The following SMARCA4 variants were observed in gnomAD, a reference collection of about 807,000 sequenced individuals.
SMARCA4 encodes SWI/SNF-related matrix-associated actin-dependent regulator of chromatin subfamily A member 4.
A neutral mutation model predicts 193.9 loss-of-function variants in SMARCA4; 31 were observed. The ratio of observed to expected loss-of-function variants is 0.16; its 90% confidence interval spans 0.12 to 0.22. The LOEUF is 0.22. Ranked by LOEUF, SMARCA4 falls within the 10% of genes least tolerant of loss-of-function variation. The pLI is 1.00. For missense variants in SMARCA4, 1,148 were observed against 2,296.0 expected (o/e 0.50, Z 10.22); for synonymous variants, 942 against 933.1 (o/e 1.01, Z -0.17).
intron 1 of SMARCA4, among the ~76,000 whole-genome samples, chr19:10,966,392 A>T (rs2084221413): frequency 6.6e-6 from 1 of 151,958 alleles, no homozygotes; most frequent in Admixed American, 6.6e-5. Context: ...GGAATCCAAG[A>T]CCAGCCTGGG....
intron 11 of SMARCA4, among the ~76,000 whole-genome samples, chr19:10,999,078 T>G (rs1024230648): frequency 1.3e-5 from 2 of 152,022 alleles, no homozygotes; most frequent in African/African-American, 4.8e-5. Context: ...AAGTGTTCTG[T>G]ATTTTTTTGT....
At chr19:11,052,735 C>G (rs2076330314) in intron 30 of SMARCA4, among the ~76,000 whole-genome samples, 2 of 152,170 alleles carry the variant, frequency 1.3e-5, no homozygotes, top group Admixed American at 1.3e-4. Flanking sequence ...CTCAAGCTGC[C>G]CTCCCCCAGC....
rs1060502072 is a variant in SMARCA4 at position 10,995,005 on chromosome 19, T to C, written c.1593+4T>C. On this transcript the variant is annotated splice_donor_region_variant and intron_variant, in intron 9 of 34. Transcript: ENST00000344626. Reference sequence around the variant, plus strand: ...GGAGCGCATGCGGAGGCTCATGGTATGGTCCTGCCTTCTTGACGTGCGCTC... The same window carrying C: ...GGAGCGCATGCGGAGGCTCATGGTACGGTCCTGCCTTCTTGACGTGCGCTC... 1 of 1,608,644 alleles carries C rather than the reference T, an allele frequency of 6.2e-7. No homozygotes were observed. Among genetic ancestry groups the C allele is most frequent in the Non-Finnish European group, 8.5e-7 (1 of 1,177,158 alleles).
At chr19:10,971,955 ATT>A (rs539620346) in intron 1 of SMARCA4, among the ~76,000 whole-genome samples, 25 of 125,138 alleles carry the variant, frequency 2.0e-4, no homozygotes, top group African/African-American at 2.1e-4. Context: ...CGCTTGGCTA[ATT>A]TTTTTTTTTT....
chr19:11,033,546 C>T lies in SMARCA4; in HGVS notation c.3774+29C>T, dbSNP rs1338735010. The T allele has an allele frequency of 3.2e-6, 5 of 1,560,726 alleles. No homozygotes were observed. In the Admixed American group the frequency reaches 5.0e-5, roughly 16 times the overall value. ...AGCCCAGCACCGGCCCCGACCCCTC[C>T]CCAGCGTGAATGGTGGACGCGTGAG... On this transcript the variant is annotated intron_variant, in intron 26 of 34. Coordinates refer to ENST00000344626, the MANE Select transcript of SMARCA4 (RefSeq NM_003072.5). This position sits in a 1 kb window ranked among gnomAD's most constrained non-coding sequence, Gnocchi z 9.8.
rs541128216 is a variant in SMARCA4 at position 10,988,005 on chromosome 19, C to A, written c.1118+81C>A. On this transcript the variant is annotated intron_variant, in intron 6 of 34. Coordinates refer to ENST00000344626, the MANE Select transcript of SMARCA4 (RefSeq NM_003072.5). ...GGGGAAGCCACTCAACTTTCTCCCC[C>A]ACTCTAGCAAACAGTGCCCTGTGCC... The A allele has an allele frequency of 2.7e-6, 4 of 1,461,952 alleles. No homozygotes were observed. The South Asian group carries it at 3.6e-5, about 13-fold the overall frequency. The allele number at this position is 1,461,952 out of a possible 1,614,324, so 90.6% of individuals were successfully genotyped here.
At chr19:11,046,122 C>T (rs530002866) in intron 30 of SMARCA4, among the ~76,000 whole-genome samples, 1 of 151,762 alleles carries the variant, frequency 6.6e-6, no homozygotes, top group African/African-American at 2.4e-5. Context: ...ACTCGAGAGG[C>T]TGAGGCAGGA....
intron 1 of SMARCA4, among the ~76,000 whole-genome samples, chr19:10,982,790 C>A (rs2085667970): frequency 6.6e-6 from 1 of 152,144 alleles, no homozygotes; most frequent in South Asian, 2.1e-4. Context: ...AGGCGTGAGC[C>A]ACCGCGCCTG....
chr19:10,987,812 C>A lies in SMARCA4; in HGVS notation c.1006C>A (p.Pro336Thr), dbSNP rs111491424. ...ACCGCAGACCCAGTCCCCCGGGCAG[C>A]CGGCCCAGCCCGCGCCCATGGTGCC... The part of the protein sequence containing the change: ...MPPQTQSPGQ[P>T]AQPAPMVPLH... The change falls in exon 6 of 35, where the codon CCG becomes ACG. Residue 336 changes from proline (P) to threonine (T), a missense_variant. Around this residue, in one of 17 missense-constraint regions of SMARCA4, gnomAD observed 257 missense variants for 276.5 expected, o/e 0.93. Coordinates refer to ENST00000344626, the MANE Select transcript of SMARCA4 (RefSeq NM_003072.5). This position sits in a 1 kb window ranked among gnomAD's most constrained non-coding sequence, Gnocchi z 5.3. 35 of 1,604,326 alleles carry A rather than the reference C, an allele frequency of 2.2e-5. No homozygotes were observed. Among genetic ancestry groups the A allele is most frequent in the Non-Finnish European group, 2.6e-5 (31 of 1,176,294 alleles).
chr19:11,036,235 A>G (rs953456699), intron 29 of SMARCA4, among the ~76,000 whole-genome samples: 3 of 152,190 alleles, frequency 2.0e-5, no homozygotes, highest in Non-Finnish European at 2.9e-5. Flanking sequence ...CCTGCCACAG[A>G]CCTGTGTGAC....
At position 11,058,185 on chromosome 19, in the gene SMARCA4, C is replaced by T. The variant is rs527707163; in HGVS notation, c.4425-70C>T. 2.3e-5 allele frequency: 21 copies of T among 920,126 alleles called. No homozygotes were observed. In the East Asian group the frequency reaches 4.8e-4, roughly 21 times the overall value. 57.0% of individuals were successfully genotyped at this position (920,126 alleles called of 1,614,324 possible). On this transcript the variant is annotated intron_variant, in intron 30 of 34. Coordinates refer to ENST00000344626, the MANE Select transcript of SMARCA4 (RefSeq NM_003072.5). The surrounding 1 kb of genome is among the most constrained non-coding windows in gnomAD (Gnocchi z 5.8). ...TCTCATCCTTAAACAATGTGGGAAC[C>T]TGCTGAGGTGGGGTGGGGGCTCCCG...
chr19:10,993,273 G>C (rs1197687087), intron 8 of SMARCA4, among the ~76,000 whole-genome samples: 2 of 152,034 alleles, frequency 1.3e-5, no homozygotes, highest in African/African-American at 4.8e-5. Context: ...GGCGTGAGCC[G>C]CTGCTCCTGG....
rs1256468324 is a variant in SMARCA4 at position 10,987,366 on chromosome 19, G to C, written c.860-300G>C. Among the ~76,000 whole-genome samples the C allele has an allele frequency of 6.6e-6, 1 of 152,196 alleles. No individual in the cohort carries two copies. The highest frequency in any genetic ancestry group is 2.4e-5 in the African/African-American group (1 of 41,440). On this transcript the variant is annotated intron_variant, in intron 5 of 34. Coordinates refer to ENST00000344626, the MANE Select transcript of SMARCA4 (RefSeq NM_003072.5). The surrounding 1 kb of genome is among the most constrained non-coding windows in gnomAD (Gnocchi z 5.3). ...ATTGAGGGGCAAATTGCTTCCACTG[G>C]ATTTAGTTGGCACTAGGAGGAGATG...
At position 10,985,963 on chromosome 19, in the gene SMARCA4, A is replaced by G. The variant is rs1379667328; in HGVS notation, c.356-226A>G. The stretch of plus-strand genomic sequence containing the variant: ...ATTTCATGCACAGGTTCTCAGCATT[A>G]ACCAGAAGCACCTTACTGAGACGTG... On this transcript the variant is annotated intron_variant, in intron 3 of 34. Transcript: ENST00000344626. The surrounding 1 kb of genome is among the most constrained non-coding windows in gnomAD (Gnocchi z 4.5). 6.6e-6 allele frequency among the ~76,000 whole-genome samples: 1 copy of G among 152,142 alleles called. No homozygotes were observed. The highest frequency in any genetic ancestry group is 2.4e-5 in the African/African-American group (1 of 41,424).
At chr19:10,973,334 G>A (rs945744090) in intron 1 of SMARCA4, among the ~76,000 whole-genome samples, 27 of 152,066 alleles carry the variant, frequency 1.8e-4, no homozygotes, top group African/African-American at 6.3e-4. Context: ...TGGGGTTAGA[G>A]GACACTCCCC....
chr19:10,967,209 G>A (rs1011123939), intron 1 of SMARCA4, among the ~76,000 whole-genome samples: 3 of 152,216 alleles, frequency 2.0e-5, no homozygotes, highest in African/African-American at 7.2e-5. Flanking sequence ...AGTGCCAGGT[G>A]TAGCTGGGTT....
Position 10,986,107 on chromosome 19 carries a change from A to C in SMARCA4, c.356-82A>C. 7 of 1,186,492 alleles carry C rather than the reference A, an allele frequency of 5.9e-6. No individual in the cohort carries two copies. The highest frequency in any genetic ancestry group is 7.5e-6 in the Non-Finnish European group (6 of 796,412). The allele number at this position is 1,186,492 out of a possible 1,614,324, so 73.5% of individuals were successfully genotyped here. A position where few individuals can be genotyped will look rare whatever the true frequency, so the allele number is the denominator to read the frequency against. On this transcript the variant is annotated intron_variant, in intron 3 of 34. Transcript: ENST00000344626. This position sits in a 1 kb window ranked among gnomAD's most constrained non-coding sequence, Gnocchi z 6.7. ...ATTTGGCTGTGCCCTGTCTCAGAGTAGGAGCTGGTGTAGGGGGAAGAGGCT... is the reference window on the plus strand; with the variant it reads ...ATTTGGCTGTGCCCTGTCTCAGAGTCGGAGCTGGTGTAGGGGGAAGAGGCT...
chr19:11,025,156 G>T (rs2090161614), intron 21 of SMARCA4, among the ~76,000 whole-genome samples: 1 of 152,124 alleles, frequency 6.6e-6, no homozygotes, highest in Admixed American at 6.5e-5. Context: ...TCAGCCCTTT[G>T]CCAGTCTTGT....
chr19:11,002,736 TGAGCCGA>T lies in SMARCA4; in HGVS notation c.1813-283_1813-277del, dbSNP rs560121294. Among the ~76,000 whole-genome samples the T allele has an allele frequency of 5.6e-3, 767 of 137,158 alleles. 1 individual carries two copies. The highest frequency in any genetic ancestry group is 8.4e-3 in the Middle Eastern group (2 of 238). The allele number at this position is 137,158 out of a possible 152,430, so 90.0% of individuals were successfully genotyped here. A position where few individuals can be genotyped will look rare whatever the true frequency, so the allele number is the denominator to read the frequency against. On this transcript the variant is annotated intron_variant, in intron 11 of 34. Transcript: ENST00000344626. ...TGAACCCAGGAGGCAGAGGTTGTAGTGAGCCGAGAGCCGAGATCACGCCACTGCACTC... is the reference window on the plus strand; with the variant it reads ...TGAACCCAGGAGGCAGAGGTTGTAGTGAGCCGAGATCACGCCACTGCACTC...
Sources: gnomAD v4.1 joint callset for allele counts (sites outside exome capture counted in the v4.1 genomes callset) on GRCh38, gnomAD v4.1.1 for gene constraint, gnomAD v4.1.1 regional missense constraint, Gnocchi (gnomAD v3.1) non-coding constraint, MANE v1.5 for transcripts, NCBI Gene and HGNC (gene_info 2026-07-23, HGNC 2026-07-21) for gene names.